The following RMST variants were observed in gnomAD, a reference collection of about 807,000 sequenced individuals.
The protein encoded by RMST is long intergenic non-protein coding RNA 54.
At chr12:97,499,542 A>G (rs2060094797) in intron 10 of RMST, among the ~76,000 whole-genome samples, 2 of 152,202 alleles carry the variant, frequency 1.3e-5, no homozygotes, top group South Asian at 4.1e-4. Context: ...GGCTCTGCCC[A>G]TAGTATTGTA....
At chr12:97,466,943 A>G (rs1873260208) in intron 5 of RMST, among the ~76,000 whole-genome samples, 1 of 152,070 alleles carries the variant, frequency 6.6e-6, no homozygotes, top group Admixed American at 6.6e-5. Context: ...TAGGAGAATT[A>G]GGAGTGTCTT....
At chr12:97,477,968 G>A (rs569181422) in intron 5 of RMST, among the ~76,000 whole-genome samples, 24 of 152,318 alleles carry the variant, frequency 1.6e-4, no homozygotes, top group Admixed American at 3.3e-4. Flanking sequence ...TGAATGTCAG[G>A]TTGAATCTCA....
chr12:97,521,856 A>C (rs1415145277), intron 10 of RMST, among the ~76,000 whole-genome samples: 1 of 152,162 alleles, frequency 6.6e-6, no homozygotes, highest in Admixed American at 6.5e-5. Flanking sequence ...TTAACACTTC[A>C]ATTTGAAAGA....
rs371255626 is a variant in RMST at position 97,470,192 on chromosome 12, C to A, written n.644+4465C>A. On this transcript the variant is annotated intron_variant and non_coding_transcript_variant, in intron 5 of 13. Coordinates refer to ENST00000640149, the Ensembl canonical transcript of RMST. ...TTTTATCTGCATTGATTATTTAACA[C>A]CTGACAGTTGCAACAACTAAGATGA... Among the ~76,000 whole-genome samples, 6 of 152,198 alleles carry A rather than the reference C, an allele frequency of 3.9e-5. No homozygotes were observed. The South Asian group carries it at 1.0e-3, about 26-fold the overall frequency.
intron 11 of RMST, among the ~76,000 whole-genome samples, chr12:97,543,084 C>T (rs898415033): frequency 6.6e-6 from 1 of 151,946 alleles, no homozygotes; most frequent in Non-Finnish European, 1.5e-5. Flanking sequence ...TGACAACCAG[C>T]CATTCGGGAA....
chr12:97,540,101 C>T (rs1882381197), intron 11 of RMST, among the ~76,000 whole-genome samples: 1 of 151,604 alleles, frequency 6.6e-6, no homozygotes, highest in African/African-American at 2.4e-5. Context: ...ATTTCCTTTC[C>T]AAAGGATAGA....
intron 11 of RMST, among the ~76,000 whole-genome samples, chr12:97,550,772 G>T (rs1206208993): frequency 6.6e-6 from 1 of 151,998 alleles, no homozygotes; most frequent in East Asian, 1.9e-4. Context: ...CTTCATAATT[G>T]TCTTTGGAGC....
Position 97,463,037 on chromosome 12 carries a change from C to CTCTCTCTCTCTCTG in RMST, n.447-102_447-101insGTCTCTCTCTCTCT, listed in dbSNP as rs1428200014. 3 of 151,632 alleles carry CTCTCTCTCTCTCTG rather than the reference C, an allele frequency of 2.0e-5. No individual in the cohort carries two copies. The East Asian group carries it at 5.8e-4, about 30-fold the overall frequency. 9.4% of individuals were successfully genotyped at this position (151,632 alleles called of 1,614,324 possible). ...CAGCAGTCTCTCTCTCTCTCTCTCT[C>CTCTCTCTCTCTCTG]TCTCTCTCTCTCTCTCTCTCTGAAA... On this transcript the variant is annotated intron_variant and non_coding_transcript_variant, in intron 3 of 13. Coordinates refer to ENST00000640149, the Ensembl canonical transcript of RMST.
At chr12:97,558,568 AT>A (rs1883874621) in intron 11 of RMST, among the ~76,000 whole-genome samples, 1 of 152,116 alleles carries the variant, frequency 6.6e-6, no homozygotes, top group South Asian at 2.1e-4. Flanking sequence ...AGGAAATTAA[AT>A]TTTTTTCAAA....
rs12307879 is a variant in RMST, at chr12:97,529,066, A to G, written n.1341-1589A>G. 6.8e-3 allele frequency among the ~76,000 whole-genome samples: 1,034 copies of G among 152,202 alleles called. 10 individuals carry two copies. The highest frequency in any genetic ancestry group is 0.024 in the African/African-American group (1,000 of 41,534). Reference sequence around the variant, plus strand: ...GTATCTTACTCTCAGCAAGATATCTATATCTATATAGATATAGATATATAA... The same window carrying G: ...GTATCTTACTCTCAGCAAGATATCTGTATCTATATAGATATAGATATATAA... On this transcript the variant is annotated intron_variant and non_coding_transcript_variant, in intron 10 of 13. Transcript: ENST00000640149.
chr12:97,508,530 C>G (rs1339064517), intron 10 of RMST, among the ~76,000 whole-genome samples: 2 of 152,136 alleles, frequency 1.3e-5, no homozygotes, highest in Non-Finnish European at 2.9e-5. Flanking sequence ...TTTGTAATAG[C>G]TGGTTTGAAG....
At chr12:97,521,584 A>G (rs1880517961) in intron 10 of RMST, among the ~76,000 whole-genome samples, 1 of 152,188 alleles carries the variant, frequency 6.6e-6, no homozygotes, top group Non-Finnish European at 1.5e-5. Context: ...AAAAACATTC[A>G]GATAACTTTC....
chr12:97,548,298 T>C (rs1478776518), intron 11 of RMST, among the ~76,000 whole-genome samples: 4 of 152,130 alleles, frequency 2.6e-5, no homozygotes, highest in Admixed American at 6.6e-5. Flanking sequence ...TACTATAGCT[T>C]TGTAGTATAT....
At chr12:97,543,417 A>G (rs1305671102) in intron 11 of RMST, among the ~76,000 whole-genome samples, 2 of 152,024 alleles carry the variant, frequency 1.3e-5, no homozygotes, top group Admixed American at 6.6e-5. Context: ...AGTAAATGCT[A>G]TAAGGACTGG....
chr12:97,495,151 T>C (rs76252891), intron 9 of RMST, among the ~76,000 whole-genome samples: 11,645 of 142,354 alleles, frequency 0.082, 667 homozygotes, highest in Middle Eastern at 0.13. Flanking sequence ...AATTAAAATA[T>C]AAATTATGTA....
chr12:97,486,891 T>C lies in RMST; in HGVS notation n.645-5570T>C, dbSNP rs569816344. 7.7e-4 allele frequency among the ~76,000 whole-genome samples: 117 copies of C among 152,328 alleles called. 1 individual carries two copies. In the South Asian group the frequency reaches 0.023, roughly 29 times the overall value. ...AGCAAAATGACAAGATCAAGCTTGA[T>C]GTCATGCTATACGACTTGTAATTGT... On this transcript the variant is annotated intron_variant and non_coding_transcript_variant, in intron 5 of 13. Transcript: ENST00000640149.
intron 5 of RMST, among the ~76,000 whole-genome samples, chr12:97,469,850 T>C (rs1873687119): frequency 6.6e-6 from 1 of 152,116 alleles, no homozygotes; most frequent in African/African-American, 2.4e-5. Context: ...TTTATTATGT[T>C]ATTTTCTTCT....
At chr12:97,558,828 T>TA (rs1332878676) in intron 11 of RMST, among the ~76,000 whole-genome samples, 1 of 152,190 alleles carries the variant, frequency 6.6e-6, no homozygotes, top group African/African-American at 2.4e-5. Context: ...AGACTCCTGA[T>TA]ACTGAGGCCA....
intron 10 of RMST, among the ~76,000 whole-genome samples, chr12:97,528,667 A>G (rs1208789719): frequency 2.0e-5 from 3 of 152,190 alleles, no homozygotes; most frequent in African/African-American, 7.2e-5. Flanking sequence ...GTTTGAATAC[A>G]TATGTCATTA....
Sources: allele counts gnomAD v4.1 joint callset (sites outside exome capture counted in the v4.1 genomes callset), GRCh38; gene constraint gnomAD v4.1.1; transcripts MANE v1.5; gene names NCBI Gene and HGNC (gene_info 2026-07-23, HGNC 2026-07-21).